The following ELP3 variants were observed in gnomAD, a reference collection of about 807,000 sequenced individuals.
ELP3 encodes elongator complex protein 3.
ELP3 carries 56 observed loss-of-function variants against 74.9 expected under a neutral mutation model. That is an observed-to-expected ratio of 0.75 (90% CI 0.60 to 0.93). The LOEUF (loss-of-function observed/expected upper bound fraction) is 0.93. Among genes scored for constraint, ELP3 ranks in the 40% least tolerant of loss-of-function variants. The probability of loss-of-function intolerance (pLI) is 0.00; values close to 1 mark genes in which losing one functional copy is unlikely to be tolerated. For synonymous variants in ELP3, 222 were observed against 239.8 expected (o/e 0.93, Z 0.68); for missense variants, 573 against 686.5 (o/e 0.83, Z 1.85).
At chr8:28,119,928 T>C (rs1812302581) in intron 7 of ELP3, among the ~76,000 whole-genome samples, 1 of 152,114 alleles carries the variant, frequency 6.6e-6, no homozygotes, top group Non-Finnish European at 1.5e-5. Context: ...GGTGATTCAT[T>C]AGTTGTTACC....
At chr8:28,131,887 A>C (rs1001441776) in intron 8 of ELP3, among the ~76,000 whole-genome samples, 1 of 152,144 alleles carries the variant, frequency 6.6e-6, no homozygotes, top group Non-Finnish European at 1.5e-5. Flanking sequence ...CATGGTTTTG[A>C]GCTCATTTTA....
At chr8:28,091,848 G>A (rs1811063560), upstream of ELP3, among the ~76,000 whole-genome samples, 1 of 152,146 alleles carries the variant, frequency 6.6e-6, no homozygotes, top group Non-Finnish European at 1.5e-5. Context: ...AGGGTTTTGA[G>A]GACTTCAATA....
At chr8:28,142,868 T>C (rs117147334) in intron 10 of ELP3, among the ~76,000 whole-genome samples, 3,092 of 152,336 alleles carry the variant, frequency 0.02, 45 homozygotes, top group Middle Eastern at 0.034. Context: ...GAATTCATTT[T>C]TTTTTTAACG....
intron 14 of ELP3, among the ~76,000 whole-genome samples, chr8:28,185,933 C>T (rs1815223030): frequency 6.6e-6 from 1 of 152,194 alleles, no homozygotes; most frequent in South Asian, 2.1e-4. Flanking sequence ...GTGGCTTGAC[C>T]TCATTTGTTT....
rs11544370 is a variant in ELP3, at chr8:28,099,858, C to A, written c.150C>A (p.Gly50=). 4.7e-3 allele frequency: 7,563 copies of A among 1,614,152 alleles called. 343 individuals are homozygous for A. In the African/African-American group the frequency reaches 0.09, roughly 19 times the overall value. The part of the protein sequence containing the change: ...KVKTKTAAKY[G]LSAQPRLVDI... Reference sequence around the variant, plus strand: ...AAACCAAGACAGCTGCCAAATATGGCCTTTCTGCCCAGCCCCGCCTGGTGG... The same window carrying A: ...AAACCAAGACAGCTGCCAAATATGGACTTTCTGCCCAGCCCCGCCTGGTGG... Residue 50 remains glycine, a synonymous_variant, in exon 3 of 15, where the codon GGC becomes GGA. Coordinates refer to ENST00000256398, the MANE Select transcript of ELP3 (RefSeq NM_018091.6).
chr8:28,104,131 C>T (rs1811595809), intron 3 of ELP3, among the ~76,000 whole-genome samples: 1 of 152,200 alleles, frequency 6.6e-6, no homozygotes, highest in South Asian at 2.1e-4. Context: ...TTTCCGTATA[C>T]TTATTTGCCA....
chr8:28,151,128 C>T (rs1271328347), intron 10 of ELP3, among the ~76,000 whole-genome samples: 1 of 152,202 alleles, frequency 6.6e-6, no homozygotes, highest in East Asian at 1.9e-4. Flanking sequence ...TGTTCTATTT[C>T]TTTCAGTCTT....
At chr8:28,092,947 GC>G, upstream of ELP3, 1 of 607,438 alleles carries the variant, frequency 1.6e-6, no homozygotes, top group South Asian at 1.9e-5. Flanking sequence ...ACCCCAAGAT[GC>G]CACTCCGTTC....
Position 28,175,810 on chromosome 8 carries a change from C to CTTTTT in ELP3, c.1567+13749_1567+13753dup, listed in dbSNP as rs56901616. 8.9e-5 allele frequency among the ~76,000 whole-genome samples: 7 copies of CTTTTT among 78,246 alleles called. 1 individual carries two copies. Among genetic ancestry groups the CTTTTT allele is most frequent in the African/African-American group, 2.5e-4 (5 of 19,682 alleles). 51.3% of individuals were successfully genotyped at this position (78,246 alleles called of 152,430 possible). On this transcript the variant is annotated intron_variant, in intron 14 of 14. Coordinates refer to ENST00000256398, the MANE Select transcript of ELP3 (RefSeq NM_018091.6). ...CTGTAATCATGCATTTGTCTAGTGA[C>CTTTTT]TTTTTTTTTTTTTTTTTTTTTGGGG...
At chr8:28,139,449 T>C (rs1329816374) in intron 10 of ELP3, among the ~76,000 whole-genome samples, 1 of 152,162 alleles carries the variant, frequency 6.6e-6, no homozygotes, top group East Asian at 1.9e-4. Context: ...ATGTAATGAA[T>C]AACAACACAG....
At chr8:28,128,538 C>T (rs1277927884) in intron 7 of ELP3, among the ~76,000 whole-genome samples, 1 of 152,134 alleles carries the variant, frequency 6.6e-6, no homozygotes, top group Non-Finnish European at 1.5e-5. Context: ...GCTGAGTTGT[C>T]TAAGCAGTGT....
At chr8:28,132,253 A>G in intron 8 of ELP3, 25 bp from the exon 9 acceptor site, 1 of 1,613,346 alleles carries the variant, frequency 6.2e-7, no homozygotes, top group Non-Finnish European at 8.5e-7. Flanking sequence ...AGTGATTTTC[A>G]CAGGTAGTGA....
chr8:28,112,915 A>T, intron 6 of ELP3, 104 bp from the exon 7 acceptor site: 1 of 1,070,478 alleles, frequency 9.3e-7, no homozygotes. Flanking sequence ...TCTGATTTTT[A>T]AACTGTACTG....
At chr8:28,148,108 T>C (rs1316138143) in intron 10 of ELP3, among the ~76,000 whole-genome samples, 2 of 152,066 alleles carry the variant, frequency 1.3e-5, no homozygotes, top group African/African-American at 2.4e-5. Flanking sequence ...ATGGTAGAAA[T>C]AGTAACTATT....
At chr8:28,158,522 A>T in intron 11 of ELP3, 46 bp from the exon 12 acceptor site, 6 of 1,173,166 alleles carry the variant, frequency 5.1e-6, no homozygotes, top group Non-Finnish European at 6.4e-6. Flanking sequence ...TTATATTTGT[A>T]CCCCTCCCAC....
chr8:28,108,457 C>CTTTTT (rs33948469), intron 5 of ELP3, among the ~76,000 whole-genome samples: 8 of 117,572 alleles, frequency 6.8e-5, no homozygotes, highest in East Asian at 2.4e-4. Context: ...ATTTTTTTTT[C>CTTTTT]TTTTTTTTTT....
intron 11 of ELP3, among the ~76,000 whole-genome samples, chr8:28,158,320 T>C (rs1813922043): frequency 6.6e-6 from 1 of 152,208 alleles, no homozygotes; most frequent in Admixed American, 6.5e-5. Flanking sequence ...ATTCTAAATT[T>C]ATTTTAAAAG....
chr8:28,158,906 A>G (rs1813954017), intron 12 of ELP3, among the ~76,000 whole-genome samples: 1 of 152,246 alleles, frequency 6.6e-6, no homozygotes, highest in Admixed American at 6.5e-5. Flanking sequence ...GATCTGAGCT[A>G]TCCAATATCC....
intron 7 of ELP3, among the ~76,000 whole-genome samples, chr8:28,117,092 T>C (rs1021885838): frequency 6.6e-6 from 1 of 152,136 alleles, no homozygotes; most frequent in African/African-American, 2.4e-5. Flanking sequence ...TCTTCTTATC[T>C]TGAAGACCTT....
Sources: gnomAD v4.1 joint callset for allele counts (sites outside exome capture counted in the v4.1 genomes callset) on GRCh38, gnomAD v4.1.1 for gene constraint, MANE v1.5 for transcripts, NCBI Gene and HGNC (gene_info 2026-07-23, HGNC 2026-07-21) for gene names.